PPID: variants seen among roughly 807,000 people sequenced by gnomAD.
The protein encoded by PPID is peptidylprolyl isomerase D.
Under a neutral mutation model 48.1 loss-of-function variants are expected in PPID, and 47 were observed. The observed-to-expected ratio is 0.98, with a 90% confidence interval of 0.77 to 1.25. The LOEUF is 1.25. Among genes scored for constraint, PPID ranks in the 50% most tolerant of loss-of-function variants. PPID has a pLI of 0.00. For missense variants in PPID, 429 were observed against 443.5 expected (o/e 0.97, Z 0.29); for synonymous variants, 163 against 148.8 (o/e 1.10, Z -0.69).
intron 6 of PPID, among the ~76,000 whole-genome samples, chr4:158,714,438 C>T (rs1580430245): frequency 6.6e-6 from 1 of 152,276 alleles, no homozygotes; most frequent in South Asian, 2.1e-4. Flanking sequence ...ATAAAAACAA[C>T]TGACTTGGAC....
intron 6 of PPID, 135 bp from the exon 7 acceptor site, chr4:158,713,395 TTTTTAAAATTTTTAAGAAGGC>T: frequency 1.0e-6 from 1 of 985,328 alleles, no homozygotes; most frequent in Non-Finnish European, 1.4e-6. Context: ...ATGATCACAC[TTTTTAAAATTTTTAAGAAGGC>T]TTAAAAAAAA....
chr4:158,710,950 T>C lies in PPID; in HGVS notation c.895-102A>G, dbSNP rs375254667. Reference sequence around the variant, plus strand: ...ACTCCAAACCCATCCTTCACTGCTCTGTGAAAATGGAGCTGAAACATGCAA... The same window carrying C: ...ACTCCAAACCCATCCTTCACTGCTCCGTGAAAATGGAGCTGAAACATGCAA... On this transcript the variant is annotated intron_variant, in intron 7 of 9. Transcript: ENST00000307720. 5.7e-6 allele frequency: 6 copies of C among 1,061,824 alleles called. No homozygotes were observed. The East Asian group carries it at 7.2e-5, about 13-fold the overall frequency. 65.8% of individuals were successfully genotyped at this position (1,061,824 alleles called of 1,614,324 possible).
At chr4:158,722,011 C>T (rs1338613521) in intron 1 of PPID, among the ~76,000 whole-genome samples, 1 of 152,160 alleles carries the variant, frequency 6.6e-6, no homozygotes, top group African/African-American at 2.4e-5. Context: ...AATAATGCTG[C>T]AATGAACATG....
Position 158,721,377 on chromosome 4 carries a change from T to C in PPID, c.192A>G (p.Lys64=). ...AAGGGCATCCTTTGAAATGGAGAGG[T>C]TTCCCAGTCGTGTGTCCAATGCCTT... is the stretch of plus-strand genomic sequence containing the variant. ...GEKGIGHTTG[K]PLHFKGCPFH... Residue 64 remains lysine, a synonymous_variant, in exon 2 of 10, where the codon AAA becomes AAG. Transcript: ENST00000307720. The C allele has an allele frequency of 6.2e-7, 1 of 1,613,864 alleles. No individual in the cohort carries two copies. Among genetic ancestry groups the C allele is most frequent in the Non-Finnish European group, 8.5e-7 (1 of 1,179,952 alleles).
rs1561258925 is a variant in PPID at position 158,723,362 on chromosome 4, TCCGTCTCCG to T, written c.-83_-75del. The stretch of plus-strand genomic sequence containing the variant: ...CGCCCGGGCCGCCCAAACTCCAGAG[TCCGTCTCCG>T]CCGGAGACCGGCAGCGACGCTGACC... On this transcript the variant is annotated 5_prime_UTR_variant, in exon 1 of 10. Transcript: ENST00000307720. 1 of 1,450,138 alleles carries T rather than the reference TCCGTCTCCG, an allele frequency of 6.9e-7. No individual in the cohort carries two copies. The highest frequency in any genetic ancestry group is 9.6e-7 in the Non-Finnish European group (1 of 1,044,548). The allele number at this position is 1,450,138 out of a possible 1,614,324, so 89.8% of individuals were successfully genotyped here.
intron 1 of PPID, among the ~76,000 whole-genome samples, chr4:158,722,772 AT>A (rs1398198113): frequency 1.3e-5 from 2 of 152,262 alleles, no homozygotes; most frequent in African/African-American, 4.8e-5. Flanking sequence ...CCTTTAACGT[AT>A]AAATAACACA....
chr4:158,717,714 C>T (rs1774894934), intron 3 of PPID, among the ~76,000 whole-genome samples: 1 of 152,148 alleles, frequency 6.6e-6, no homozygotes, highest in African/African-American at 2.4e-5. Context: ...TTACCCAAGA[C>T]ATTCAGTTTG....
At chr4:158,718,077 G>A (rs952332509) in intron 3 of PPID, among the ~76,000 whole-genome samples, 1 of 152,182 alleles carries the variant, frequency 6.6e-6, no homozygotes, top group East Asian at 1.9e-4. Context: ...CAAGAATCAT[G>A]TGTCTTGTCT....
chr4:158,710,896 T>C, intron 7 of PPID, 48 bp from the exon 8 acceptor site: 2 of 1,493,304 alleles, frequency 1.3e-6, no homozygotes, highest in South Asian at 1.2e-5. Flanking sequence ...ATTAAGCTTA[T>C]ATGCCAGATT....
chr4:158,714,832 C>T (rs773435288), intron 6 of PPID, among the ~76,000 whole-genome samples: 5 of 152,146 alleles, frequency 3.3e-5, no homozygotes, highest in East Asian at 1.9e-4. Context: ...TCAGGTGATC[C>T]GCCCAGCTTG....
chr4:158,713,892 A>C (rs1371538184), intron 6 of PPID, among the ~76,000 whole-genome samples: 1 of 152,162 alleles, frequency 6.6e-6, no homozygotes, highest in Non-Finnish European at 1.5e-5. Context: ...CGTACTAACA[A>C]ACGGAATTGA....
At chr4:158,712,106 A>G (rs1231498359) in intron 7 of PPID, among the ~76,000 whole-genome samples, 2 of 152,240 alleles carry the variant, frequency 1.3e-5, no homozygotes, top group Non-Finnish European at 2.9e-5. Context: ...GAGCATAGCT[A>G]GTCTAGGTGC....
chr4:158,720,974 A>G (rs1216471163), intron 2 of PPID, among the ~76,000 whole-genome samples: 1 of 152,156 alleles, frequency 6.6e-6, no homozygotes, highest in Non-Finnish European at 1.5e-5. Context: ...TCAGCCTCCC[A>G]AAGTGCTGGG....
At chr4:158,718,519 A>T (rs913902803) in intron 3 of PPID, among the ~76,000 whole-genome samples, 5 of 152,232 alleles carry the variant, frequency 3.3e-5, no homozygotes, top group Non-Finnish European at 7.3e-5. Flanking sequence ...ATTCCTTGTC[A>T]TCAAGGCCTT....
At chr4:158,714,186 T>TCCACTGTGTGAAAA (rs1292524230) in intron 6 of PPID, among the ~76,000 whole-genome samples, 2 of 152,156 alleles carry the variant, frequency 1.3e-5, no homozygotes, top group African/African-American at 2.4e-5. Flanking sequence ...GATGCTAAGA[T>TCCACTGTGTGAAAA]CCACTGTGTG....
chr4:158,720,960 C>T (rs1561257830), intron 2 of PPID, among the ~76,000 whole-genome samples: 2 of 152,054 alleles, frequency 1.3e-5, no homozygotes, highest in Admixed American at 6.6e-5. Context: ...GTGATTCACC[C>T]GCCTCAGCCT....
chr4:158,723,096 G>A (rs999898904), intron 1 of PPID, 108 bp downstream of exon 1: 3 of 1,159,550 alleles, frequency 2.6e-6, no homozygotes, highest in Non-Finnish European at 3.7e-6. Context: ...TCCCCTCCGC[G>A]AAACTGAGCA....
intron 1 of PPID, among the ~76,000 whole-genome samples, chr4:158,722,299 G>A (rs1774975619): frequency 6.6e-6 from 1 of 152,200 alleles, no homozygotes; most frequent in African/African-American, 2.4e-5. Context: ...CAACCAACGG[G>A]AGAAAATTAA....
rs948300718 is a variant in PPID, at chr4:158,717,136, A to C, written c.398T>G (p.Phe133Cys). The stretch of plus-strand genomic sequence containing the variant: ...ATGAGGAGTTGGAACTGTTGTGATA[A>C]AAAACTGAGAACCGTTTGTGTTGCG... ...AGRNTNGSQF[F>C]ITTVPTPHLD... The change falls in exon 4 of 10, where the codon TTT becomes TGT. Residue 133 changes from phenylalanine to cysteine, a missense_variant. Physicochemically the swap from Phe to Cys is radical, Grantham distance 205. Transcript: ENST00000307720. 2 of 1,614,186 alleles carry C rather than the reference A, an allele frequency of 1.2e-6. No individual in the cohort carries two copies.
Sources: gnomAD v4.1 joint callset for allele counts (sites outside exome capture counted in the v4.1 genomes callset) on GRCh38, gnomAD v4.1.1 for gene constraint, MANE v1.5 for transcripts, NCBI Gene and HGNC (gene_info 2026-07-23, HGNC 2026-07-21) for gene names.